TET3: variants seen among roughly 807,000 people sequenced by gnomAD.
The protein encoded by TET3 is tet methylcytosine dioxygenase 3.
In TET3, 19 loss-of-function variants were observed where a neutral mutation model predicts 141.4. The observed-to-expected ratio is 0.13, with a 90% CI of 0.09 to 0.20. The LOEUF is 0.20. TET3 is among the 10% of genes least tolerant of loss of function. TET3 has a pLI of 1.00. For synonymous variants in TET3, 1,043 were observed against 980.9 expected (o/e 1.06, Z -1.18); for missense variants, 1,874 against 2,356.9 (o/e 0.80, Z 4.24).
At chr2:74,011,227 C>CAAA (rs34155044) in intron 3 of TET3, among the ~76,000 whole-genome samples, 5,628 of 94,060 alleles carry the variant, frequency 0.06, 557 homozygotes, top group African/African-American at 0.18. Context: ...GACTCCGTTT[C>CAAA]AAAAAAAAAA....
intron 3 of TET3, among the ~76,000 whole-genome samples, chr2:74,012,403 G>A (rs1685483502): frequency 6.6e-6 from 1 of 152,240 alleles, no homozygotes. Context: ...ATAACTAGCA[G>A]TCATTTATTG....
At chr2:74,128,269 A>C in the TET3 span, among the ~76,000 whole-genome samples, 2 of 152,284 alleles carry the variant, frequency 1.3e-5, no homozygotes, top group East Asian at 3.9e-4. Context: ...TCAACTAATC[A>C]ATTGATTGTG....
At chr2:74,127,528 A>C in the TET3 span, among the ~76,000 whole-genome samples, 2 of 152,290 alleles carry the variant, frequency 1.3e-5, no homozygotes, top group Non-Finnish European at 2.9e-5. Context: ...AACCAAACGA[A>C]TTGGAGACAG....
chr2:74,029,556 A>T (rs1041465368), intron 3 of TET3, among the ~76,000 whole-genome samples: 1 of 152,240 alleles, frequency 6.6e-6, no homozygotes, highest in Non-Finnish European at 1.5e-5. Context: ...AAAACCACTG[A>T]TATACTCAGT....
At chr2:74,041,886 A>G (rs1687359886) in intron 3 of TET3, among the ~76,000 whole-genome samples, 1 of 152,180 alleles carries the variant, frequency 6.6e-6, no homozygotes, top group Admixed American at 6.5e-5. Flanking sequence ...GGGCCTAAGT[A>G]TGAGACCCTG....
intron 3 of TET3, among the ~76,000 whole-genome samples, chr2:74,032,461 G>C (rs868023009): frequency 8.2e-5 from 6 of 73,166 alleles, no homozygotes; most frequent in Admixed American, 2.1e-4. Flanking sequence ...CTGTGTGTGT[G>C]TGTGTGTGTG....
rs1178136654 is a variant in TET3 at position 74,106,849 on chromosome 2, G to C, written c.*4673G>C. The stretch of plus-strand genomic sequence containing the variant: ...TCCGTCTGATGACATACTTGACCTT[G>C]AAAAATCTGGGGTCATTTTGTTTTT... On this transcript the variant is annotated 3_prime_UTR_variant, in exon 12 of 12. Transcript: ENST00000409262. The C allele has an allele frequency of 6.6e-6, 1 of 152,370 alleles. No homozygotes were observed. Among genetic ancestry groups the C allele is most frequent in the Non-Finnish European group, 1.5e-5 (1 of 68,020 alleles). The allele number at this position is 152,370 out of a possible 1,614,324, so 9.4% of individuals were successfully genotyped here.
At chr2:74,111,708 CTTCAGAAAGGTT>C (rs1373463155), downstream of TET3, among the ~76,000 whole-genome samples, 3 of 152,208 alleles carry the variant, frequency 2.0e-5, no homozygotes, top group East Asian at 5.8e-4. Flanking sequence ...ATGTGAGACC[CTTCAGAAAGGTT>C]GAATGGCTTG....
chr2:74,113,122 G>A (rs1485341863), downstream of TET3, among the ~76,000 whole-genome samples: 1 of 151,758 alleles, frequency 6.6e-6, no homozygotes, highest in East Asian at 1.9e-4. Flanking sequence ...CAGGCGCAGT[G>A]GCTCACACCT....
At chr2:74,059,322 G>A (rs1250783069) in intron 4 of TET3, among the ~76,000 whole-genome samples, 2 of 152,118 alleles carry the variant, frequency 1.3e-5, no homozygotes, top group South Asian at 2.1e-4. Flanking sequence ...ATGCAATATC[G>A]GCTTACTGCA....
intron 3 of TET3, among the ~76,000 whole-genome samples, chr2:74,016,326 A>G (rs10168249): frequency 0.31 from 46,431 of 151,794 alleles, 7,594 homozygotes; most frequent in African/African-American, 0.4. Flanking sequence ...AAAAAATTCA[A>G]TGGACTGTTA....
At chr2:74,015,425 A>G (rs1685677994) in intron 3 of TET3, among the ~76,000 whole-genome samples, 2 of 152,310 alleles carry the variant, frequency 1.3e-5, no homozygotes, top group South Asian at 4.1e-4. Flanking sequence ...AACAATTTAT[A>G]TATATCTTTC....
At chr2:74,032,004 A>T (rs985969123) in intron 3 of TET3, among the ~76,000 whole-genome samples, 3 of 152,176 alleles carry the variant, frequency 2.0e-5, no homozygotes, top group Non-Finnish European at 4.4e-5. Context: ...TCCTCTCTGT[A>T]CCTCATCTAC....
chr2:74,085,701 C>T (rs1242902416), intron 6 of TET3, among the ~76,000 whole-genome samples: 4 of 152,346 alleles, frequency 2.6e-5, no homozygotes, highest in Non-Finnish European at 5.9e-5. Flanking sequence ...CGGTAACGCC[C>T]GCTCGCCTGC....
chr2:74,082,206 C>G (rs1689873721), intron 6 of TET3, among the ~76,000 whole-genome samples: 1 of 152,164 alleles, frequency 6.6e-6, no homozygotes, highest in South Asian at 2.1e-4. Flanking sequence ...AAAGAAGATG[C>G]ATTTCTAGAC....
At chr2:74,089,131 C>T (rs967923776) in intron 7 of TET3, among the ~76,000 whole-genome samples, 4 of 151,668 alleles carry the variant, frequency 2.6e-5, no homozygotes, top group African/African-American at 4.8e-5. Context: ...ATCTTCCCCC[C>T]GAAGTGCCCC....
chr2:74,085,781 G>T (rs1385858873), intron 6 of TET3, among the ~76,000 whole-genome samples: 2 of 152,118 alleles, frequency 1.3e-5, no homozygotes, highest in African/African-American at 4.8e-5. Flanking sequence ...CACCCTGGGG[G>T]TCAGAGACCC....
downstream of TET3, among the ~76,000 whole-genome samples, chr2:74,110,220 T>C (rs897535449): frequency 1.3e-5 from 2 of 152,184 alleles, no homozygotes; most frequent in African/African-American, 4.8e-5. Context: ...GTGCAATTTT[T>C]TTTTTTAATG....
intron 5 of TET3, among the ~76,000 whole-genome samples, chr2:74,076,441 G>GTTTTTTTTTTTTTTTTTTTTTTTTTTT (rs70965785): frequency 5.3e-5 from 3 of 56,584 alleles, no homozygotes; most frequent in Non-Finnish European, 9.8e-5. Context: ...ATTCCTCTGG[G>GTTTTTTTTTTTTTTTTTTTTTTTTTTT]TTTTTTTTTT....
Sources: gnomAD v4.1 joint callset for allele counts (sites outside exome capture counted in the v4.1 genomes callset) on GRCh38, gnomAD v4.1.1 for gene constraint, MANE v1.5 for transcripts, NCBI Gene and HGNC (gene_info 2026-07-23, HGNC 2026-07-21) for gene names.